The following CTNNA2 variants were observed in gnomAD, a reference collection of about 807,000 sequenced individuals.
CTNNA2 encodes the protein catenin alpha 2.
CTNNA2 carries 42 observed loss-of-function variants against 101.0 expected under a neutral mutation model. The ratio of observed to expected loss-of-function variants is 0.42; its 90% confidence interval spans 0.32 to 0.54. The LOEUF (loss-of-function observed/expected upper bound fraction) is 0.54. Ranked by LOEUF, CTNNA2 falls within the 20% of genes least tolerant of loss-of-function variation. The pLI, the probability that CTNNA2 is intolerant of heterozygous loss-of-function variation, is 0.14. For synonymous variants in CTNNA2, 450 were observed against 456.4 expected (o/e 0.99, Z 0.18); for missense variants, 871 against 1,223.1 (o/e 0.71, Z 4.29).
At chr2:80,084,996 C>T (rs1843131) in intron 7 of CTNNA2, among the ~76,000 whole-genome samples, 41,993 of 151,688 alleles carry the variant, frequency 0.28, 6,488 homozygotes, top group East Asian at 0.55. Context: ...TTGTGAAAAA[C>T]GTTTGAGGGG....
intron 7 of CTNNA2, among the ~76,000 whole-genome samples, chr2:79,988,512 A>G (rs910041468): frequency 6.7e-6 from 1 of 149,100 alleles, no homozygotes; most frequent in African/African-American, 2.5e-5. Context: ...ATTAGCTTCT[A>G]TGTGAGGAGC....
chr2:79,486,803 A>G (rs899611172), intron 4 of CTNNA2, among the ~76,000 whole-genome samples: 16 of 152,108 alleles, frequency 1.1e-4, no homozygotes, highest in African/African-American at 1.4e-4. Context: ...TGTGGTTTTG[A>G]TTTGCATTTA....
chr2:80,280,158 CT>C (rs1054601271), intron 7 of CTNNA2, among the ~76,000 whole-genome samples: 5 of 150,986 alleles, frequency 3.3e-5, no homozygotes, highest in African/African-American at 1.2e-4. Flanking sequence ...GGTTGCAGCA[CT>C]TTGTAAAGTA....
chr2:80,333,714 C>T (rs1671544052), intron 7 of CTNNA2, among the ~76,000 whole-genome samples: 1 of 152,150 alleles, frequency 6.6e-6, no homozygotes, highest in Admixed American at 6.5e-5. Context: ...CAATCTCTGC[C>T]TCCTGGATTC....
At chr2:80,201,008 A>G (rs192556304) in intron 7 of CTNNA2, among the ~76,000 whole-genome samples, 2 of 152,226 alleles carry the variant, frequency 1.3e-5, no homozygotes, top group Non-Finnish European at 2.9e-5. Context: ...CTGATATAAA[A>G]TGGCAATCTC....
rs550996931 is a variant in CTNNA2 at position 79,312,650 on chromosome 2, T to G, written c.-405-59T>G. On this transcript the variant is annotated intron_variant, in intron 2 of 21. Transcript: ENST00000466387. ...AGGTCTATGCATTGTAGATGAAACC[T>G]TTGGTAATACAGGTGTTCCACACCC... 9.9e-4 allele frequency: 151 copies of G among 152,320 alleles called. 2 individuals carry two copies. Among genetic ancestry groups the G allele is most frequent in the African/African-American group, 3.5e-3 (146 of 41,572 alleles). The allele number at this position is 152,320 out of a possible 1,614,324, so 9.4% of individuals were successfully genotyped here.
intron 3 of CTNNA2, among the ~76,000 whole-genome samples, chr2:79,342,683 A>G (rs1176999530): frequency 6.6e-6 from 1 of 152,174 alleles, no homozygotes; most frequent in Non-Finnish European, 1.5e-5. Context: ...CTTTATTAAG[A>G]TTGGTTTATA....
chr2:79,958,744 A>T (rs1036100509), intron 7 of CTNNA2, among the ~76,000 whole-genome samples: 1 of 152,086 alleles, frequency 6.6e-6, no homozygotes, highest in African/African-American at 2.4e-5. Flanking sequence ...CACAAGAATA[A>T]ACAATACACT....
At chr2:80,229,341 C>T (rs1199030160) in intron 7 of CTNNA2, among the ~76,000 whole-genome samples, 1 of 152,184 alleles carries the variant, frequency 6.6e-6, no homozygotes, top group Non-Finnish European at 1.5e-5. Flanking sequence ...ATGCCAGTTC[C>T]AAGTCCAGTG....
chr2:79,586,787 T>C (rs1300161836), intron 1 of CTNNA2, among the ~76,000 whole-genome samples: 1 of 152,178 alleles, frequency 6.6e-6, no homozygotes, highest in African/African-American at 2.4e-5. Flanking sequence ...CAGTGTACAC[T>C]GTACCCAATA....
At chr2:79,982,207 T>C (rs1372777559) in intron 7 of CTNNA2, among the ~76,000 whole-genome samples, 2 of 26,784 alleles carry the variant, frequency 7.5e-5, no homozygotes, top group Admixed American at 2.5e-4. Context: ...TATATATATA[T>C]ATATATATAT....
chr2:80,153,494 C>T (rs773388278), intron 7 of CTNNA2, among the ~76,000 whole-genome samples: 1 of 152,174 alleles, frequency 6.6e-6, no homozygotes, highest in Non-Finnish European at 1.5e-5. Context: ...GCGTTGGCCT[C>T]GTTTGAAAGG....
At chr2:80,326,796 A>G (rs1301160840) in intron 7 of CTNNA2, among the ~76,000 whole-genome samples, 4 of 152,190 alleles carry the variant, frequency 2.6e-5, no homozygotes, top group Non-Finnish European at 4.4e-5. Context: ...TGATTAGATT[A>G]TCTGAGTTAC....
intron 7 of CTNNA2, among the ~76,000 whole-genome samples, chr2:80,340,847 C>T (rs1354753377): frequency 1.3e-5 from 2 of 152,116 alleles, no homozygotes; most frequent in African/African-American, 4.8e-5. Context: ...TGTCATACTC[C>T]AATCTCAAAT....
At chr2:79,969,107 A>T (rs554069514) in intron 7 of CTNNA2, among the ~76,000 whole-genome samples, 23 of 152,300 alleles carry the variant, frequency 1.5e-4, no homozygotes, top group Admixed American at 1.2e-3. Context: ...GACTTCAGGG[A>T]CCAAATCTAA....
At chr2:80,470,824 C>T (rs1032298196) in intron 9 of CTNNA2, among the ~76,000 whole-genome samples, 3 of 152,078 alleles carry the variant, frequency 2.0e-5, no homozygotes, top group Non-Finnish European at 4.4e-5. Flanking sequence ...TAAAGTCATG[C>T]ACCTAAGCAA....
At chr2:80,532,047 T>C (rs917317824) in intron 9 of CTNNA2, among the ~76,000 whole-genome samples, 5 of 152,148 alleles carry the variant, frequency 3.3e-5, no homozygotes. Flanking sequence ...TGTGTTCCAA[T>C]ATGACTTTAT....
At chr2:79,430,398 A>G (rs1678647233) in intron 4 of CTNNA2, among the ~76,000 whole-genome samples, 1 of 152,192 alleles carries the variant, frequency 6.6e-6, no homozygotes, top group African/African-American at 2.4e-5. Context: ...ACAGTCAGTC[A>G]TAAGAGAAAA....
At chr2:80,245,823 T>A (rs1573499769) in intron 7 of CTNNA2, among the ~76,000 whole-genome samples, 1 of 114,458 alleles carries the variant, frequency 8.7e-6, no homozygotes, top group Admixed American at 9.2e-5. Context: ...TTTTTTTTTT[T>A]GCACTCTGTA....
Sources: gnomAD v4.1 joint callset for allele counts (sites outside exome capture counted in the v4.1 genomes callset) on GRCh38, gnomAD v4.1.1 for gene constraint, MANE v1.5 for transcripts, NCBI Gene and HGNC (gene_info 2026-07-23, HGNC 2026-07-21) for gene names.